Variants in NNT observed in about 807,000 individuals in gnomAD.
NNT encodes NAD(P) transhydrogenase, mitochondrial.
A neutral mutation model predicts 104.8 loss-of-function variants in NNT; 50 were observed. The observed-to-expected ratio is 0.48, with a 90% CI of 0.38 to 0.60. NNT has a LOEUF of 0.60. Ranked by LOEUF, NNT falls within the 20% of genes least tolerant of loss-of-function variation. The pLI is 0.00. For missense variants in NNT, 1,131 were observed against 1,330.7 expected (o/e 0.85, Z 2.33); for synonymous variants, 461 against 490.4 (o/e 0.94, Z 0.79).
At chr5:43,701,595 C>T (rs550682576) in intron 20 of NNT, among the ~76,000 whole-genome samples, 7 of 152,182 alleles carry the variant, frequency 4.6e-5, no homozygotes, top group South Asian at 4.2e-4. Context: ...TGGATATGTA[C>T]GCAGTAGTGG....
chr5:43,671,978 C>T (rs62368565), intron 17 of NNT, among the ~76,000 whole-genome samples: 5,158 of 152,240 alleles, frequency 0.034, 135 homozygotes, highest in East Asian at 0.12. Context: ...AGGCTTTCTT[C>T]ATTTCTTTTT....
At chr5:43,659,952 G>C (rs1740267793) in intron 17 of NNT, among the ~76,000 whole-genome samples, 1 of 151,992 alleles carries the variant, frequency 6.6e-6, no homozygotes, top group African/African-American at 2.4e-5. Context: ...GTATTTACTT[G>C]TCTGATCGTG....
At chr5:43,669,265 C>T (rs1310377833) in intron 17 of NNT, among the ~76,000 whole-genome samples, 3 of 151,896 alleles carry the variant, frequency 2.0e-5, no homozygotes, top group African/African-American at 7.3e-5. Context: ...AATTGAATAC[C>T]CTTTATTTCT....
rs1740996334 is a variant in NNT at position 43,670,450 on chromosome 5, T to A, written c.2635-5061T>A. Among the ~76,000 whole-genome samples the A allele has an allele frequency of 3.3e-5, 5 of 152,348 alleles. No homozygotes were observed. In the South Asian group the frequency reaches 1.0e-3, roughly 32 times the overall value. On this transcript the variant is annotated intron_variant, in intron 17 of 21. Transcript: ENST00000344920. ...ATAAATTTCCCTCTACGCACTGCTT[T>A]GAATGTGTCCCAGAGATTCTGGTAT...
intron 17 of NNT, among the ~76,000 whole-genome samples, chr5:43,662,206 C>T (rs1740407225): frequency 6.6e-6 from 1 of 151,992 alleles, no homozygotes; most frequent in South Asian, 2.1e-4. Context: ...TCTCTTATTA[C>T]TCTCTTTTTC....
intron 7 of NNT, 39 bp downstream of exon 7, chr5:43,628,426 T>A (rs751485920): frequency 4.1e-6 from 6 of 1,462,936 alleles, no homozygotes; most frequent in Non-Finnish European, 5.5e-6. Context: ...AAAGCACTTT[T>A]ACTCTTTTTT....
intron 17 of NNT, among the ~76,000 whole-genome samples, chr5:43,668,904 A>G (rs1008434793): frequency 4.6e-5 from 7 of 152,188 alleles, no homozygotes; most frequent in Non-Finnish European, 1.0e-4. Flanking sequence ...GATTCTTCCT[A>G]TCCATGAGCA....
chr5:43,694,171 G>A (rs1397176253), intron 19 of NNT, among the ~76,000 whole-genome samples: 1 of 152,192 alleles, frequency 6.6e-6, no homozygotes. Context: ...AGCTGAAGGA[G>A]CTTTGGGGCC....
chr5:43,606,389 A>T (rs759295687), intron 1 of NNT, among the ~76,000 whole-genome samples: 7 of 152,190 alleles, frequency 4.6e-5, no homozygotes, highest in Non-Finnish European at 8.8e-5. Context: ...GGGGTTTTGA[A>T]TGTGTAGCTG....
intron 7 of NNT, among the ~76,000 whole-genome samples, chr5:43,633,934 G>C (rs1750809769): frequency 6.6e-6 from 1 of 152,172 alleles, no homozygotes; most frequent in African/African-American, 2.4e-5. Flanking sequence ...CCTCTCAGGA[G>C]ATAGAATTAG....
intron 19 of NNT, among the ~76,000 whole-genome samples, chr5:43,680,581 G>C (rs1474428539): frequency 6.6e-6 from 1 of 152,170 alleles, no homozygotes; most frequent in East Asian, 1.9e-4. Context: ...GTGGTGCCAA[G>C]AAAAATCGCA....
rs200801294 is a variant in NNT, at chr5:43,651,793, C to T, written c.1772C>T (p.Pro591Leu). ...GACATGTTCAAGCGTCCCACTGACC[C>T]CCCAGAATACAACTACCTGTACCTG... Reference protein sequence around the residue: ...MLDMFKRPTDPPEYNYLYLLP... With the variant: ...MLDMFKRPTDLPEYNYLYLLP... The change falls in exon 13 of 22, where the codon CCC becomes CTC. Residue 591 changes from proline to leucine, a missense_variant. Transcript: ENST00000344920. 5 of 1,614,056 alleles carry T rather than the reference C, an allele frequency of 3.1e-6. No homozygotes were observed. The African/African-American group carries it at 6.7e-5, about 22-fold the overall frequency.
chr5:43,697,234 T>C (rs540112791), intron 19 of NNT, among the ~76,000 whole-genome samples: 1 of 152,306 alleles, frequency 6.6e-6, no homozygotes, highest in East Asian at 1.9e-4. Context: ...CTCACTCAAG[T>C]TCAAAGTTCT....
At chr5:43,644,574 G>GTGATAGAC in intron 8 of NNT, 37 bp from the exon 9 acceptor site, 1 of 1,532,508 alleles carries the variant, frequency 6.5e-7, no homozygotes, top group Non-Finnish European at 8.9e-7. Flanking sequence ...TGAACATAGG[G>GTGATAGAC]TGATAGACCT....
At chr5:43,664,866 TG>T (rs1740547759) in intron 17 of NNT, among the ~76,000 whole-genome samples, 1 of 152,196 alleles carries the variant, frequency 6.6e-6, no homozygotes, top group African/African-American at 2.4e-5. Context: ...CACATGGAAT[TG>T]TTATAGCTTA....
At chr5:43,621,724 G>GA (rs1023032615) in intron 5 of NNT, among the ~76,000 whole-genome samples, 4 of 151,308 alleles carry the variant, frequency 2.6e-5, no homozygotes, top group African/African-American at 7.3e-5. Context: ...TTTCACACAG[G>GA]AAAAAAAATG....
At chr5:43,665,116 A>G (rs2112006902) in intron 17 of NNT, among the ~76,000 whole-genome samples, 1 of 152,258 alleles carries the variant, frequency 6.6e-6, no homozygotes, top group South Asian at 2.1e-4. Context: ...CTACATCTGT[A>G]CAGCGGTACA....
intron 19 of NNT, among the ~76,000 whole-genome samples, chr5:43,686,008 C>T (rs1410354405): frequency 6.6e-6 from 1 of 152,044 alleles, no homozygotes; most frequent in Non-Finnish European, 1.5e-5. Context: ...ACTCAGTATT[C>T]GTGAATAGTT....
At chr5:43,700,781 ATT>A (rs1742811345) in intron 20 of NNT, among the ~76,000 whole-genome samples, 1 of 152,254 alleles carries the variant, frequency 6.6e-6, no homozygotes, top group Non-Finnish European at 1.5e-5. Flanking sequence ...TGGTAATGAC[ATT>A]TGGCCCAAGC....
Sources: allele counts gnomAD v4.1 joint callset (sites outside exome capture counted in the v4.1 genomes callset), GRCh38; gene constraint gnomAD v4.1.1; transcripts MANE v1.5; gene names NCBI Gene and HGNC (gene_info 2026-07-23, HGNC 2026-07-21).